The following CCL26 variants were observed in gnomAD, a reference collection of about 807,000 sequenced individuals.
CCL26 encodes the protein C-C motif chemokine ligand 26, also known as C-C motif chemokine 26.
A neutral mutation model predicts 10.7 loss-of-function variants in CCL26; 10 were observed. The observed-to-expected ratio is 0.93, with a 90% CI of 0.57 to 1.58. CCL26 has a LOEUF of 1.58. Among genes scored for constraint, CCL26 ranks in the 40% most tolerant of loss-of-function variants. The pLI, the probability that CCL26 is intolerant of heterozygous loss-of-function variation, is 0.00. For missense variants in CCL26, 116 were observed against 111.0 expected, an observed-to-expected ratio of 1.05 and a Z score of -0.20; for synonymous variants, 43 against 41.4, an observed-to-expected ratio of 1.04 and a Z score of -0.15.
rs752775815 is a variant in CCL26 at position 75,770,917 on chromosome 7, G to A, written c.188+972C>T. ...CATACAGTTGACTCTTGAACAACACGGATTTGAACTCTGTGGGCCCACTCA... is the reference window on the plus strand; with the variant it reads ...CATACAGTTGACTCTTGAACAACACAGATTTGAACTCTGTGGGCCCACTCA... On this transcript the variant is annotated intron_variant, in intron 2 of 2. Coordinates refer to ENST00000005180, the MANE Select transcript of CCL26 (RefSeq NM_001371938.1). Among the ~76,000 whole-genome samples, 234 of 152,196 alleles carry A rather than the reference G, an allele frequency of 1.5e-3. 2 individuals carry two copies. The highest frequency in any genetic ancestry group is 2.3e-3 in the Non-Finnish European group (154 of 68,012).
At chr7:75,771,401 G>T (rs559853700) in intron 2 of CCL26, among the ~76,000 whole-genome samples, 21 of 152,280 alleles carry the variant, frequency 1.4e-4, no homozygotes, top group African/African-American at 4.8e-4. Context: ...TGATTCCTGA[G>T]CTCTTACTTC....
At chr7:75,782,635 G>A (rs549225254) in intron 1 of CCL26, among the ~76,000 whole-genome samples, 7 of 152,044 alleles carry the variant, frequency 4.6e-5, no homozygotes, top group South Asian at 2.1e-4. Context: ...CTGCAATACC[G>A]CTTGGCCCAA....
chr7:75,771,888 C>T lies in CCL26; in HGVS notation c.188+1G>A, dbSNP rs1292914921. The T allele has an allele frequency of 1.2e-6, 2 of 1,605,722 alleles. No homozygotes were observed. Among genetic ancestry groups the T allele is most frequent in the Non-Finnish European group, 1.7e-6 (2 of 1,172,316 alleles). On this transcript the variant is annotated splice_donor_variant, in intron 2 of 2. Transcript: ENST00000005180. LOFTEE classifies it high-confidence loss of function. ...AGAAAGTACGTCCGAGAAATACTCA[C>T]ATCACAGCCCGCTGGGAGCAGCTGT...
chr7:75,769,931 T>C (rs896945830), intron 2 of CCL26, 142 bp from the exon 3 acceptor site: 2 of 599,726 alleles, frequency 3.3e-6, no homozygotes, highest in Non-Finnish European at 6.0e-6. Context: ...TCCCCTCTTC[T>C]CCTGGGCCTT....
At chr7:75,778,888 C>A (rs1306211298) in intron 1 of CCL26, among the ~76,000 whole-genome samples, 5 of 152,068 alleles carry the variant, frequency 3.3e-5, no homozygotes, top group Non-Finnish European at 7.4e-5. Context: ...CAAGACCAGC[C>A]TGACCAACAT....
chr7:75,783,168 T>G (rs1803103904), intron 1 of CCL26, among the ~76,000 whole-genome samples: 1 of 152,214 alleles, frequency 6.6e-6, no homozygotes, highest in Admixed American at 6.5e-5. Context: ...AGCCAGTGTT[T>G]AGGCTCTTTC....
At chr7:75,779,886 C>A (rs1188778979) in intron 1 of CCL26, among the ~76,000 whole-genome samples, 2 of 152,074 alleles carry the variant, frequency 1.3e-5, no homozygotes, top group Non-Finnish European at 2.9e-5. Flanking sequence ...GGAGGGCAAG[C>A]CCCTCCCACC....
chr7:75,769,889 C>G (rs1005277580), intron 2 of CCL26, 100 bp from the exon 3 acceptor site: 5 of 724,166 alleles, frequency 6.9e-6, no homozygotes, highest in African/African-American at 3.5e-5. Context: ...AGTCTTCTGG[C>G]CTTGCCACAA....
At chr7:75,770,697 A>T (rs1455019296) in intron 2 of CCL26, among the ~76,000 whole-genome samples, 3 of 151,530 alleles carry the variant, frequency 2.0e-5, no homozygotes, top group African/African-American at 7.3e-5. Context: ...ATTTTTTTTG[A>T]AACAGTTTCT....
rs141509319 is a variant in CCL26 at position 75,781,484 on chromosome 7, G to T, written c.-79+8233C>A. ...GCCCGCAGCCCAGGATTCCTCCTAA[G>T]CCTTGTCCCATCTGTGTGGGACCCC... On this transcript the variant is annotated intron_variant, in intron 1 of 3. Transcript: ENST00000394905. Among the ~76,000 whole-genome samples the T allele has an allele frequency of 7.2e-5, 11 of 152,254 alleles. No individual in the cohort carries two copies. In the East Asian group the frequency reaches 2.1e-3, roughly 29 times the overall value.
chr7:75,788,102 G>A (rs1554530245), intron 1 of CCL26, among the ~76,000 whole-genome samples: 1 of 151,304 alleles, frequency 6.6e-6, no homozygotes, highest in African/African-American at 2.4e-5. Context: ...AAAAATTTTC[G>A]CCGCCCCAAT....
At chr7:75,784,499 C>T (rs1350333434) in intron 1 of CCL26, among the ~76,000 whole-genome samples, 1 of 152,174 alleles carries the variant, frequency 6.6e-6, no homozygotes, top group Admixed American at 6.6e-5. Flanking sequence ...TTAATCAATA[C>T]AGAGGCTACC....
chr7:75,770,124 C>CA (rs1554527930), intron 2 of CCL26, among the ~76,000 whole-genome samples: 1 of 150,776 alleles, frequency 6.6e-6, no homozygotes, highest in East Asian at 2.0e-4. Context: ...CATTGGAGTG[C>CA]AATGGCATGA....
At chr7:75,776,557 G>A (rs1554528733), upstream of CCL26, among the ~76,000 whole-genome samples, 1 of 107,534 alleles carries the variant, frequency 9.3e-6, no homozygotes, top group African/African-American at 2.8e-5. Context: ...AGGAAGGAAG[G>A]AAGGAAGGAA....
chr7:75,789,077 G>A (rs1055204662), intron 1 of CCL26, among the ~76,000 whole-genome samples: 10 of 148,480 alleles, frequency 6.7e-5, no homozygotes, highest in African/African-American at 1.3e-4. Context: ...GCGCACCACC[G>A]TGCCCAGTTC....
At chr7:75,789,115 TA>T (rs1266408948) in intron 1 of CCL26, among the ~76,000 whole-genome samples, 1 of 125,682 alleles carries the variant, frequency 8.0e-6, no homozygotes, top group Non-Finnish European at 1.7e-5. Flanking sequence ...TTTTTTTTTG[TA>T]GAGATGTGGC....
At chr7:75,773,005 A>G (rs1038755376), upstream of CCL26, among the ~76,000 whole-genome samples, 2 of 151,958 alleles carry the variant, frequency 1.3e-5, no homozygotes, top group African/African-American at 4.8e-5. Flanking sequence ...TCAAGATGTG[A>G]TCATAGAGTA....
At chr7:75,785,362 T>G (rs1803161720) in intron 1 of CCL26, among the ~76,000 whole-genome samples, 1 of 152,100 alleles carries the variant, frequency 6.6e-6, no homozygotes, top group African/African-American at 2.4e-5. Flanking sequence ...CCCCTCTGCT[T>G]CTCACCTTAT....
intron 2 of CCL26, 69 bp from the exon 3 acceptor site, chr7:75,769,858 A>G: frequency 1.1e-6 from 1 of 945,920 alleles, no homozygotes; most frequent in Non-Finnish European, 1.7e-6. Context: ...TAGAAAGGGA[A>G]GGAGGGGCAG....
Sources: allele counts gnomAD v4.1 joint callset (sites outside exome capture counted in the v4.1 genomes callset), GRCh38; gene constraint gnomAD v4.1.1; transcripts MANE v1.5; gene names NCBI Gene and HGNC (gene_info 2026-07-23, HGNC 2026-07-21).